The following PCED1B variants were observed in gnomAD, a reference collection of about 807,000 sequenced individuals.
PCED1B encodes PC-esterase domain containing 1B, also known as PC-esterase domain-containing protein 1B.
For synonymous variants in PCED1B, 251 were observed against 246.1 expected (o/e 1.02, Z -0.19); for missense variants, 573 against 573.9 (o/e 1.00, Z 0.02).
In PCED1B at chr12:47,236,537, A is replaced by G. The variant is rs1943993861; in HGVS notation, c.*175A>G. 3 of 655,294 alleles carry G rather than the reference A, an allele frequency of 4.6e-6. No individual in the cohort carries two copies. The South Asian group carries it at 8.6e-5, about 19-fold the overall frequency. The allele number at this position is 655,294 out of a possible 1,614,324, so 40.6% of individuals were successfully genotyped here. On this transcript the variant is annotated 3_prime_UTR_variant, in exon 4 of 4. Transcript: ENST00000546455. ...AAGCCAAGGAAGAGCAGCCTGACTCATTCTTCTTGGCTGCAGCCTCTTCCC... is the reference window on the plus strand; with the variant it reads ...AAGCCAAGGAAGAGCAGCCTGACTCGTTCTTCTTGGCTGCAGCCTCTTCCC...
At chr12:47,139,826 T>C (rs1207386780) in intron 2 of PCED1B, among the ~76,000 whole-genome samples, 3 of 152,128 alleles carry the variant, frequency 2.0e-5, no homozygotes, top group Admixed American at 6.5e-5. Flanking sequence ...TAGCGTATTT[T>C]TCTGTGCTTG....
intron 2 of PCED1B, chr12:47,209,192 A>G (rs1001613947): frequency 6.6e-6 from 1 of 152,252 alleles, no homozygotes; most frequent in Non-Finnish European, 1.5e-5. Flanking sequence ...GCCCTCCAGG[A>G]AGTCCTTTCC....
intron 1 of PCED1B, among the ~76,000 whole-genome samples, chr12:47,094,925 G>T (rs1938421122): frequency 6.9e-6 from 1 of 144,588 alleles, no homozygotes; most frequent in Non-Finnish European, 1.5e-5. Context: ...CTTTTTTGAG[G>T]CAGGTGTCTC....
rs191872474 is a variant in PCED1B, at chr12:47,220,053, A to G, written c.-58+3364A>G. On this transcript the variant is annotated intron_variant, in intron 3 of 3. Coordinates refer to ENST00000546455, the MANE Select transcript of PCED1B (RefSeq NM_138371.3). ...ATGCCCCTGTACTCCCAGGTGACCA[A>G]GGGAGACACTGCCTCAAAAAAAAAA... is the stretch of plus-strand genomic sequence containing the variant. Among the ~76,000 whole-genome samples the G allele has an allele frequency of 2.5e-3, 348 of 141,088 alleles. 1 individual carries two copies. Among genetic ancestry groups the G allele is most frequent in the African/African-American group, 8.5e-3 (322 of 37,992 alleles). 92.6% of individuals were successfully genotyped at this position (141,088 alleles called of 152,430 possible). A position where few individuals can be genotyped will look rare whatever the true frequency, so the allele number is the denominator to read the frequency against.
chr12:47,140,831 G>C (rs1180235594), intron 2 of PCED1B, among the ~76,000 whole-genome samples: 1 of 152,194 alleles, frequency 6.6e-6, no homozygotes, highest in South Asian at 2.1e-4. Context: ...TGACTAATTT[G>C]TCCCCATGTG....
At chr12:47,225,699 T>G (rs1014714484) in intron 3 of PCED1B, among the ~76,000 whole-genome samples, 4 of 152,194 alleles carry the variant, frequency 2.6e-5, no homozygotes, top group African/African-American at 9.7e-5. Context: ...AATGAACCAT[T>G]TATATTCCCA....
chr12:47,226,044 T>C (rs1336072185), intron 3 of PCED1B, among the ~76,000 whole-genome samples: 1 of 152,186 alleles, frequency 6.6e-6, no homozygotes, highest in Non-Finnish European at 1.5e-5. Flanking sequence ...AACAGGGAAA[T>C]ATAAACAAGA....
At chr12:47,135,396 C>G in intron 2 of PCED1B, 1 of 220,652 alleles carries the variant, frequency 4.5e-6, no homozygotes, top group Non-Finnish European at 9.5e-6. Context: ...ATACAGGACT[C>G]AGCTTTGGGG....
At chr12:47,161,125 C>T (rs937844431) in intron 2 of PCED1B, among the ~76,000 whole-genome samples, 9 of 152,206 alleles carry the variant, frequency 5.9e-5, no homozygotes, top group African/African-American at 2.2e-4. Flanking sequence ...CTTGCAGAAC[C>T]ATGAGCTAAG....
intron 1 of PCED1B, among the ~76,000 whole-genome samples, chr12:47,093,348 G>T (rs993923858): frequency 1.3e-5 from 2 of 150,300 alleles, no homozygotes; most frequent in Admixed American, 1.3e-4. Flanking sequence ...CATTGCTGTT[G>T]TTGCGAATTT....
chr12:47,235,762 T>C lies in PCED1B; in HGVS notation c.699T>C (p.Asn233=). The C allele has an allele frequency of 6.3e-7, 1 of 1,595,598 alleles. No homozygotes were observed. Among genetic ancestry groups the C allele is most frequent in the Non-Finnish European group, 8.5e-7 (1 of 1,171,440 alleles). Residue 233 remains asparagine, a synonymous_variant, in exon 4 of 4, where the codon AAT becomes AAC. Coordinates refer to ENST00000546455, the MANE Select transcript of PCED1B (RefSeq NM_138371.3). ...ENLHWDGVHW[N]GRVHRCLSQL... ...TGCACTGGGACGGGGTGCACTGGAA[T>C]GGACGTGTGCACCGCTGCCTCTCCC...
rs149876273 is a variant in PCED1B, at chr12:47,160,836, A to G, written c.-525-55386A>G. On this transcript the variant is annotated intron_variant, in intron 2 of 3. Coordinates refer to ENST00000546455, the MANE Select transcript of PCED1B (RefSeq NM_138371.3). ...TAAGAGGTGGAGCCTAATGGGAGGT[A>G]TCTGGGTCATGAGGACTCTGCCCTT... Among the ~76,000 whole-genome samples the G allele has an allele frequency of 2.6e-3, 398 of 152,272 alleles. 2 individuals are homozygous for G. Among genetic ancestry groups the G allele is most frequent in the African/African-American group, 9.3e-3 (385 of 41,554 alleles).
intron 2 of PCED1B, among the ~76,000 whole-genome samples, chr12:47,133,497 A>G (rs1210228182): frequency 2.0e-5 from 3 of 152,180 alleles, no homozygotes; most frequent in Non-Finnish European, 4.4e-5. Flanking sequence ...TGGGGGGTAC[A>G]TCATGCCCGT....
At chr12:47,121,183 G>GA (rs1939663295) in intron 2 of PCED1B, among the ~76,000 whole-genome samples, 1 of 152,178 alleles carries the variant, frequency 6.6e-6, no homozygotes, top group Non-Finnish European at 1.5e-5. Flanking sequence ...AAAAATGAGT[G>GA]AAAAAATCTT....
chr12:47,235,857 G>A lies in PCED1B; in HGVS notation c.794G>A (p.Trp265Ter). The A allele has an allele frequency of 6.3e-7, 1 of 1,577,620 alleles. No individual in the cohort carries two copies. Among genetic ancestry groups the A allele is most frequent in the African/African-American group, 1.4e-5 (1 of 73,944 alleles). Residue 265 changes from tryptophan to a stop codon, truncating the protein, a stop_gained, in exon 4 of 4, where the codon TGG becomes TAG. Transcript: ENST00000546455. LOFTEE classifies it low-confidence loss of function (END_TRUNC). Reference protein sequence around the residue: ...ELPHRHPVGEWIKKKKPGPRV... With the variant: ...ELPHRHPVGE ...CCCCACCGCCACCCCGTGGGCGAGT[G>A]GATCAAGAAGAAAAAACCTGGCCCG...
chr12:47,105,240 C>T (rs963424129), intron 2 of PCED1B, among the ~76,000 whole-genome samples: 3 of 150,520 alleles, frequency 2.0e-5, no homozygotes, highest in African/African-American at 4.9e-5. Flanking sequence ...AGAGTGAACG[C>T]GGTGGGGGGC....
chr12:47,081,363 A>G (rs527435060), intron 1 of PCED1B, among the ~76,000 whole-genome samples: 9 of 152,202 alleles, frequency 5.9e-5, no homozygotes, highest in Non-Finnish European at 8.8e-5. Flanking sequence ...TGTTTCCTAC[A>G]TGGTCCGTGA....
At chr12:47,166,111 T>C (rs914411172) in intron 2 of PCED1B, among the ~76,000 whole-genome samples, 1 of 152,184 alleles carries the variant, frequency 6.6e-6, no homozygotes, top group Non-Finnish European at 1.5e-5. Context: ...CTCAAGGTTG[T>C]TGAAAAATTT....
At chr12:47,174,442 AAAAT>A (rs145322012) in intron 2 of PCED1B, among the ~76,000 whole-genome samples, 296 of 150,986 alleles carry the variant, frequency 2.0e-3, no homozygotes, top group African/African-American at 6.4e-3. Context: ...ACAAACAAAC[AAAAT>A]AAATAAATAA....
Sources: gnomAD v4.1 joint callset for allele counts (sites outside exome capture counted in the v4.1 genomes callset) on GRCh38, gnomAD v4.1.1 for gene constraint, MANE v1.5 for transcripts, NCBI Gene and HGNC (gene_info 2026-07-23, HGNC 2026-07-21) for gene names.